VAPA: variants seen among roughly 807,000 people sequenced by gnomAD.
The protein encoded by VAPA is VAMP associated protein A.
In VAPA, 6 loss-of-function variants were observed where a neutral mutation model predicts 25.6. The ratio of observed to expected loss-of-function variants is 0.23; its 90% confidence interval spans 0.13 to 0.46. The LOEUF (loss-of-function observed/expected upper bound fraction) is 0.46, where lower values mean the gene tolerates loss of function less well. Ranked by LOEUF, VAPA falls within the 20% of genes least tolerant of loss-of-function variation. The pLI, the probability that VAPA is intolerant of heterozygous loss-of-function variation, is 0.99. For missense variants in VAPA, 244 were observed against 302.1 expected (o/e 0.81, Z 1.43); for synonymous variants, 112 against 106.2 (o/e 1.05, Z -0.34).
intron 4 of VAPA, among the ~76,000 whole-genome samples, chr18:9,938,287 A>G (rs1226154008): frequency 3.9e-5 from 6 of 152,238 alleles, no homozygotes; most frequent in African/African-American, 1.2e-4. Context: ...CTGGGCTTCT[A>G]CTGTGCTCTG....
rs961537486 is a variant in VAPA, at chr18:9,957,966, C to T, written c.*3755C>T. ...TCTTGGGAATGAATGCCCAGCCGCT[C>T]GTGGGTTGGTGCAAAGAAGTATAAA... On this transcript the variant is annotated 3_prime_UTR_variant, in exon 6 of 6. Coordinates refer to ENST00000400000, the MANE Select transcript of VAPA (RefSeq NM_194434.3). 6.6e-6 allele frequency: 1 copy of T among 152,164 alleles called. No individual in the cohort carries two copies. Among genetic ancestry groups the T allele is most frequent in the African/African-American group, 2.4e-5 (1 of 41,434 alleles). The allele number at this position is 152,164 out of a possible 1,614,324, so 9.4% of individuals were successfully genotyped here.
In VAPA at chr18:9,957,575, TCGAG is replaced by T. The variant is rs557982201; in HGVS notation, c.*3365_*3368del. ...GAGATTTTAAAAATTTCACCTTTAT[TCGAG>T]GGAAGGATCAATGCTTATTACCATT... On this transcript the variant is annotated 3_prime_UTR_variant, in exon 6 of 6. Transcript: ENST00000400000. The T allele has an allele frequency of 1.1e-3, 175 of 152,256 alleles. 1 individual carries two copies. Among genetic ancestry groups the T allele is most frequent in the African/African-American group, 4.0e-3 (166 of 41,546 alleles). The allele number at this position is 152,256 out of a possible 1,614,324, so 9.4% of individuals were successfully genotyped here. A position where few individuals can be genotyped will look rare whatever the true frequency, so the allele number is the denominator to read the frequency against.
intron 1 of VAPA, among the ~76,000 whole-genome samples, chr18:9,926,209 G>A (rs1409948518): frequency 1.3e-5 from 2 of 152,044 alleles, no homozygotes; most frequent in Admixed American, 6.6e-5. Flanking sequence ...TATATGTTTT[G>A]TATATATGAT....
At chr18:9,915,913 C>G (rs565617053) in intron 1 of VAPA, 29 of 151,906 alleles carry the variant, frequency 1.9e-4, no homozygotes, top group African/African-American at 7.0e-4. Context: ...GGGGGAAAAC[C>G]TTTGAGGAAT....
intron 3 of VAPA, 182 bp downstream of exon 3, chr18:9,936,395 T>A (rs907937489): frequency 2.3e-6 from 1 of 428,416 alleles, no homozygotes; most frequent in Non-Finnish European, 4.2e-6. Flanking sequence ...TAAATAGTAT[T>A]TTTTTTTAGA....
intron 1 of VAPA, among the ~76,000 whole-genome samples, chr18:9,917,052 C>T (rs546157102): frequency 2.0e-4 from 30 of 152,208 alleles, no homozygotes; most frequent in African/African-American, 7.0e-4. Flanking sequence ...TTTATACAGT[C>T]GTTAACATAT....
intron 1 of VAPA, among the ~76,000 whole-genome samples, chr18:9,922,301 G>A (rs2069163726): frequency 6.6e-6 from 1 of 152,072 alleles, no homozygotes; most frequent in Non-Finnish European, 1.5e-5. Flanking sequence ...AATCCTGAAT[G>A]ATAGCATAAC....
rs563073655 is a variant in VAPA, at chr18:9,933,831, C to T, written c.232+1869C>T. 2.8e-4 allele frequency among the ~76,000 whole-genome samples: 42 copies of T among 152,180 alleles called. 1 individual carries two copies. The highest frequency in any genetic ancestry group is 5.3e-4 in the Non-Finnish European group (36 of 68,024). On this transcript the variant is annotated intron_variant, in intron 2 of 5. Transcript: ENST00000400000. Reference sequence around the variant, plus strand: ...GGGATTACAGGCGTGAGCCACTGCGCCTGGCCAGAAGATATAATTATTTCA... The same window carrying T: ...GGGATTACAGGCGTGAGCCACTGCGTCTGGCCAGAAGATATAATTATTTCA...
At chr18:9,922,345 A>T (rs542184897) in intron 1 of VAPA, among the ~76,000 whole-genome samples, 2 of 152,186 alleles carry the variant, frequency 1.3e-5, no homozygotes, top group South Asian at 4.1e-4. Flanking sequence ...TTGCATTTAT[A>T]ACCAAAAAAG....
At chr18:9,919,642 A>T (rs891274937) in intron 1 of VAPA, among the ~76,000 whole-genome samples, 7 of 152,210 alleles carry the variant, frequency 4.6e-5, no homozygotes, top group African/African-American at 1.7e-4. Flanking sequence ...ATCCGGTAGC[A>T]GGAGGGACTG....
At chr18:9,946,419 C>G (rs764978574) in intron 4 of VAPA, among the ~76,000 whole-genome samples, 43 of 152,000 alleles carry the variant, frequency 2.8e-4, no homozygotes, top group Admixed American at 4.6e-4. Context: ...GCTTTGAATC[C>G]GGCCCACCTC....
chr18:9,948,479 T>A (rs1210517408), intron 4 of VAPA: 2 of 152,206 alleles, frequency 1.3e-5, no homozygotes, highest in African/African-American at 4.8e-5. Flanking sequence ...AATTTAAAAT[T>A]TTATGCAATG....
At position 9,957,414 on chromosome 18, in the gene VAPA, T is replaced by G. The variant is rs1048627767; in HGVS notation, c.*3203T>G. 4 of 152,250 alleles carry G rather than the reference T, an allele frequency of 2.6e-5. No homozygotes were observed. The highest frequency in any genetic ancestry group is 5.9e-5 in the Non-Finnish European group (4 of 68,040). The allele number at this position is 152,250 out of a possible 1,614,324, so 9.4% of individuals were successfully genotyped here. ...ACTTTTGAACTGTAATCTTTCAGAT[T>G]ACACCACTTTGAAAACAAGTTTTAA... On this transcript the variant is annotated 3_prime_UTR_variant, in exon 6 of 6. Coordinates refer to ENST00000400000, the MANE Select transcript of VAPA (RefSeq NM_194434.3).
In VAPA at chr18:9,954,413, A is replaced by G. The variant is rs2069523586; in HGVS notation, c.*202A>G. The G allele has an allele frequency of 2.0e-6, 1 of 501,434 alleles. No homozygotes were observed. Among genetic ancestry groups the G allele is most frequent in the Non-Finnish European group, 3.5e-6 (1 of 287,176 alleles). 31.1% of individuals were successfully genotyped at this position (501,434 alleles called of 1,614,324 possible). On this transcript the variant is annotated 3_prime_UTR_variant, in exon 6 of 6. Transcript: ENST00000400000. ...ACTGTTCGGCTACTGGACAGGTTGT[A>G]TATTACCAGATCATCACTAGCAGAT...
chr18:9,943,841 C>CTTTTTTTTTTTTTTT lies in VAPA; in HGVS notation c.418-6531_418-6517dup, dbSNP rs71169911. ...TGACATTTGAAGGTGACATATTTCC[C>CTTTTTTTTTTTTTTT]TTTTTTTTTTTTTTTTTTTTTTTTT... On this transcript the variant is annotated intron_variant, in intron 4 of 5. Coordinates refer to ENST00000400000, the MANE Select transcript of VAPA (RefSeq NM_194434.3). Among the ~76,000 whole-genome samples the CTTTTTTTTTTTTTTT allele has an allele frequency of 3.7e-4, 19 of 51,770 alleles. 7 individuals are homozygous for CTTTTTTTTTTTTTTT. Among genetic ancestry groups the CTTTTTTTTTTTTTTT allele is most frequent in the Admixed American group, 6.1e-4 (2 of 3,266 alleles). 34.0% of individuals were successfully genotyped at this position (51,770 alleles called of 152,430 possible).
At chr18:9,926,930 C>G (rs1172277810) in intron 1 of VAPA, among the ~76,000 whole-genome samples, 1 of 152,070 alleles carries the variant, frequency 6.6e-6, no homozygotes, top group Non-Finnish European at 1.5e-5. Context: ...CTAAACACAC[C>G]TCTGAGTAAC....
chr18:9,942,959 C>G (rs1457178331), intron 4 of VAPA, among the ~76,000 whole-genome samples: 1 of 152,152 alleles, frequency 6.6e-6, no homozygotes, highest in Non-Finnish European at 1.5e-5. Context: ...TGCGTATACC[C>G]CACTTGTGTG....
At chr18:9,922,112 A>C (rs1226809085) in intron 1 of VAPA, among the ~76,000 whole-genome samples, 1 of 152,034 alleles carries the variant, frequency 6.6e-6, no homozygotes, top group East Asian at 1.9e-4. Flanking sequence ...CTACAGGTGC[A>C]TGCCACTGTG....
rs778747215 is a variant in VAPA, at chr18:9,954,181, T to G, written c.720T>G (p.Ile240Met). 33 of 1,613,802 alleles carry G rather than the reference T, an allele frequency of 2.0e-5. 1 individual carries two copies. The South Asian group carries it at 3.6e-4, about 18-fold the overall frequency. The part of the protein sequence containing the change: ...SLLVVIAAIF[I>M]GFFLGKFIL ...TTGTTGTAATTGCAGCCATTTTCAT[T>G]GGATTCTTTCTAGGGAAATTCATCT... The change falls in exon 6 of 6, where the codon ATT becomes ATG. Residue 240 changes from isoleucine to methionine, a missense_variant. Ile to Met is a conservative substitution (Grantham distance 10). Transcript: ENST00000400000.
Sources: gnomAD v4.1 joint callset for allele counts (sites outside exome capture counted in the v4.1 genomes callset) on GRCh38, gnomAD v4.1.1 for gene constraint, MANE v1.5 for transcripts, NCBI Gene and HGNC (gene_info 2026-07-23, HGNC 2026-07-21) for gene names.